SBNO2: variants seen among roughly 807,000 people sequenced by gnomAD.
The protein encoded by SBNO2 is protein strawberry notch homolog 2.
A neutral mutation model predicts 146.3 loss-of-function variants in SBNO2; 89 were observed. The observed-to-expected ratio is 0.61, with a 90% CI of 0.51 to 0.73. The LOEUF is 0.73. Ranked by LOEUF, SBNO2 falls within the 30% of genes least tolerant of loss-of-function variation. The probability of loss-of-function intolerance (pLI) is 0.00; values close to 1 mark genes in which losing one functional copy is unlikely to be tolerated. For synonymous variants in SBNO2, 1,147 were observed against 892.6 expected, an observed-to-expected ratio of 1.29 and a Z score of -5.08; for missense variants, 2,092 against 2,003.7, an observed-to-expected ratio of 1.04 and a Z score of -0.84.
intron 24 of SBNO2, 44 bp from the exon 25 acceptor site, chr19:1,111,137 C>T (rs1231028075): frequency 6.5e-7 from 1 of 1,528,196 alleles, no homozygotes. Context: ...CCACCCCTGC[C>T]CCTCCCTCGA....
chr19:1,128,638 C>T, intron 4 of SBNO2, among the ~76,000 whole-genome samples: 1 of 151,250 alleles, frequency 6.6e-6, no homozygotes, highest in East Asian at 2.0e-4. Flanking sequence ...GGTGATCCAT[C>T]CACCTTGGCC....
Position 1,112,709 on chromosome 19 carries a change from GCACA to G in SBNO2, c.2379+105_2379+108del. ...ACACGGCCACTCGCGCCCGCACCTG[GCACA>G]CACACACTCCAGAAGTGCGCGGGTC... On this transcript the variant is annotated intron_variant, in intron 20 of 31. Coordinates refer to ENST00000361757, the MANE Select transcript of SBNO2 (RefSeq NM_014963.3). The surrounding 1 kb of genome is among the most constrained non-coding windows in gnomAD (Gnocchi z 5.9). The G allele has an allele frequency of 1.4e-6, 2 of 1,441,170 alleles. No individual in the cohort carries two copies. The highest frequency in any genetic ancestry group is 2.5e-5 in the East Asian group (1 of 40,076). 89.3% of individuals were successfully genotyped at this position (1,441,170 alleles called of 1,614,324 possible).
chr19:1,109,135 C>A lies in SBNO2; in HGVS notation c.3425G>T (p.Trp1142Leu), dbSNP rs1174332549. The A allele has an allele frequency of 6.4e-7, 1 of 1,552,274 alleles. No individual in the cohort carries two copies. The highest frequency in any genetic ancestry group is 8.7e-7 in the Non-Finnish European group (1 of 1,148,312). ...CCCCTGGTCCCCGGCCCGCCCTCACCAGGCGCTGTGGCTGCAGTGCGTCAG... is the reference window on the plus strand; with the variant it reads ...CCCCTGGTCCCCGGCCCGCCCTCACAAGGCGCTGTGGCTGCAGTGCGTCAG... Reference protein sequence around the residue: ...LSLTHCSHSAWNRHCRLAQEG... With the variant: ...LSLTHCSHSALNRHCRLAQEG... The change falls in exon 30 of 32, where the codon TGG (tryptophan) becomes TTG (leucine). Residue 1142 changes from tryptophan (W) to leucine (L), a missense_variant and splice_region_variant. Coordinates refer to ENST00000361757, the MANE Select transcript of SBNO2 (RefSeq NM_014963.3). This position sits in a 1 kb window ranked among gnomAD's most constrained non-coding sequence, Gnocchi z 4.2.
At chr19:1,125,220 G>A (rs1460468368) in intron 5 of SBNO2, among the ~76,000 whole-genome samples, 1 of 151,464 alleles carries the variant, frequency 6.6e-6, no homozygotes. Context: ...TTAGCCAGGT[G>A]TGGTGGTGGG....
chr19:1,117,736 G>A (rs915798617), intron 14 of SBNO2, among the ~76,000 whole-genome samples: 3 of 152,260 alleles, frequency 2.0e-5, no homozygotes, highest in Admixed American at 1.3e-4. Flanking sequence ...CACAGACTCC[G>A]CGCCCGCGGC....
intron 4 of SBNO2, among the ~76,000 whole-genome samples, chr19:1,145,832 C>A (rs1470560927): frequency 6.6e-6 from 1 of 152,126 alleles, no homozygotes; most frequent in East Asian, 1.9e-4. Flanking sequence ...CCTGTGCGCA[C>A]CTCGCTGACC....
At chr19:1,148,198 C>T (rs1016602770) in intron 3 of SBNO2, among the ~76,000 whole-genome samples, 17 of 152,132 alleles carry the variant, frequency 1.1e-4, no homozygotes, top group African/African-American at 3.6e-4. Flanking sequence ...GGGTTGGAGG[C>T]GGCCCTGGGC....
In SBNO2 at chr19:1,108,603, C is replaced by T. The variant is rs2079705657; in HGVS notation, c.3718G>A (p.Ala1240Thr). 5 of 724,796 alleles carry T rather than the reference C, an allele frequency of 6.9e-6. No homozygotes were observed. The highest frequency in any genetic ancestry group is 5.4e-5 in the East Asian group (1 of 18,634). The allele number at this position is 724,796 out of a possible 1,614,324, so 44.9% of individuals were successfully genotyped here. A position where few individuals can be genotyped will look rare whatever the true frequency, so the allele number is the denominator to read the frequency against. Residue 1240 changes from alanine (A) to threonine (T), a missense_variant, in exon 32 of 32, where the codon GCC (alanine) becomes ACC (threonine). Ala to Thr is a moderately conservative substitution (Grantham distance 58). Coordinates refer to ENST00000361757, the MANE Select transcript of SBNO2 (RefSeq NM_014963.3). ...RRQAPALGCP[A>T]PPAPRPLALP... is the part of the protein sequence containing the mutation. The stretch of plus-strand genomic sequence containing the variant: ...GCCAGCGGGCGCGGGGCGGGCGGGG[C>T]GGGGCAGCCCAGGGCGGGCGCCTGC...
chr19:1,132,133 A>C (rs1330896293), intron 4 of SBNO2: 102 of 1,517,072 alleles, frequency 6.7e-5, no homozygotes, highest in Non-Finnish European at 9.0e-5. Flanking sequence ...CAGCTGGGAC[A>C]TGGTCCCGGC....
intron 1 of SBNO2, among the ~76,000 whole-genome samples, chr19:1,160,758 G>A (rs570582816): frequency 4.3e-4 from 65 of 152,264 alleles, no homozygotes; most frequent in Middle Eastern, 6.8e-3. Flanking sequence ...TCGAACTGCC[G>A]ATTTCAGGTG....
chr19:1,112,044 G>C lies in SBNO2; in HGVS notation c.2652C>G (p.Arg884=), dbSNP rs759769014. ...ESLGALTHGD[R]RATESRDLSK... is the part of the protein sequence containing the mutation. Reference sequence around the variant, plus strand: ...TGAGGTCACGGGACTCCGTGGCGCGGCGGTCTCCGTGGGTCAGGGCCCCCT... The same window carrying C: ...TGAGGTCACGGGACTCCGTGGCGCGCCGGTCTCCGTGGGTCAGGGCCCCCT... Residue 884 remains arginine, a synonymous_variant, in exon 23 of 32, where the codon CGC becomes CGG. Coordinates refer to ENST00000361757, the MANE Select transcript of SBNO2 (RefSeq NM_014963.3). This position sits in a 1 kb window ranked among gnomAD's most constrained non-coding sequence, Gnocchi z 5.9. 1 of 1,612,538 alleles carries C rather than the reference G, an allele frequency of 6.2e-7. No homozygotes were observed. The highest frequency in any genetic ancestry group is 1.7e-5 in the Admixed American group (1 of 59,998).
At chr19:1,156,460 G>A (rs1039562909) in intron 1 of SBNO2, among the ~76,000 whole-genome samples, 4 of 152,112 alleles carry the variant, frequency 2.6e-5, no homozygotes, top group Admixed American at 2.0e-4. Context: ...CCTCACACAC[G>A]GCTGCTTGGC....
In SBNO2 at chr19:1,126,936, C is replaced by T. The variant is rs527417769; in HGVS notation, c.441+668G>A. ...CCCGAAGAACCTGGGGGCCCTGCTG[C>T]CCTACAACCCCTGCTCTAGGCCTGG... On this transcript the variant is annotated intron_variant, in intron 5 of 31. Transcript: ENST00000361757. This position sits in a 1 kb window ranked among gnomAD's most constrained non-coding sequence, Gnocchi z 4.4. 2.0e-4 allele frequency among the ~76,000 whole-genome samples: 30 copies of T among 152,302 alleles called. No individual in the cohort carries two copies. Among genetic ancestry groups the T allele is most frequent in the African/African-American group, 5.8e-4 (24 of 41,562 alleles).
chr19:1,161,584 T>TG, intron 1 of SBNO2, among the ~76,000 whole-genome samples: 1 of 48,902 alleles, frequency 2.0e-5, no homozygotes, highest in East Asian at 6.0e-4. Context: ...GAGCTGGGGG[T>TG]GGGGGTGCCT....
chr19:1,114,510 A>G (rs1012688288), intron 17 of SBNO2, 88 bp from the exon 18 acceptor site: 30 of 1,166,492 alleles, frequency 2.6e-5, no homozygotes, highest in Non-Finnish European at 3.1e-5. Flanking sequence ...GAGCAAGGCC[A>G]GTGGTCCGAG....
intron 1 of SBNO2, 57 bp downstream of exon 1, chr19:1,174,115 T>G: frequency 6.9e-6 from 1 of 144,026 alleles, no homozygotes; most frequent in South Asian, 2.3e-4. Context: ...ACAAGCGGGG[T>G]CGGGCCAGGC....
rs2080313483 is a variant in SBNO2 at position 1,158,506 on chromosome 19, A to T, written c.-126-4104T>A. Among the ~76,000 whole-genome samples the T allele has an allele frequency of 6.6e-6, 1 of 151,934 alleles. No homozygotes were observed. The highest frequency in any genetic ancestry group is 2.1e-4 in the South Asian group (1 of 4,816). On this transcript the variant is annotated intron_variant, in intron 1 of 31. Transcript: ENST00000361757. The surrounding 1 kb of genome is among the most constrained non-coding windows in gnomAD (Gnocchi z 9.9). ...CATAACCGAGACCACGGGAGGACCC[A>T]GGGCGCACGGCACACCCCAGAGCGC...
In SBNO2 at chr19:1,112,168, G is replaced by A. The variant is rs1485530804; in HGVS notation, c.2628+21C>T. The A allele has an allele frequency of 1.3e-6, 2 of 1,584,496 alleles. No homozygotes were observed. Among genetic ancestry groups the A allele is most frequent in the African/African-American group, 1.3e-5 (1 of 74,448 alleles). On this transcript the variant is annotated intron_variant, in intron 22 of 31. Transcript: ENST00000361757. The surrounding 1 kb of genome is among the most constrained non-coding windows in gnomAD (Gnocchi z 5.9). ...TTCCTGGGCCTGTCCCTGGTTCTCA[G>A]CCCCACCCCCACCTGCTCACCAGAC...
chr19:1,108,274 CCGCTCGGGACCA>C lies in SBNO2; in HGVS notation c.4035_4046del (p.Gly1346_Arg1349del). 1.3e-6 allele frequency: 2 copies of C among 1,513,086 alleles called. No individual in the cohort carries two copies. The highest frequency in any genetic ancestry group is 1.8e-6 in the Non-Finnish European group (2 of 1,128,972). 93.7% of individuals were successfully genotyped at this position (1,513,086 alleles called of 1,614,324 possible). A position where few individuals can be genotyped will look rare whatever the true frequency, so the allele number is the denominator to read the frequency against. ...GTGGGCTGAACTGGATCACGCTCTG[CCGCTCGGGACCA>C]CCGCCCGCCGCGCCCCCCGCCCCCG... is the stretch of plus-strand genomic sequence containing the variant. On this transcript the variant is annotated inframe_deletion, in exon 32 of 32. Coordinates refer to ENST00000361757, the MANE Select transcript of SBNO2 (RefSeq NM_014963.3).
Sources: allele counts gnomAD v4.1 joint callset (sites outside exome capture counted in the v4.1 genomes callset), GRCh38; gene constraint gnomAD v4.1.1; non-coding constraint Gnocchi (gnomAD v3.1); transcripts MANE v1.5; gene names NCBI Gene and HGNC (gene_info 2026-07-23, HGNC 2026-07-21).